Variants in OVOL2 observed in about 807,000 individuals in gnomAD.
OVOL2 encodes the protein transcription factor Ovo-like 2.
In OVOL2, 13 loss-of-function variants were observed where a neutral mutation model predicts 18.1. The observed-to-expected ratio is 0.72, with a 90% CI of 0.47 to 1.14. The LOEUF is 1.14. Among genes scored for constraint, OVOL2 ranks in the 50% most tolerant of loss-of-function variants. OVOL2 has a pLI of 0.00. For missense variants in OVOL2, 335 were observed against 383.0 expected (o/e 0.87, Z 1.05); for synonymous variants, 166 against 162.7 (o/e 1.02, Z -0.16).
intron 2 of OVOL2, chr20:18,050,669 T>C (rs939372454): frequency 6.6e-6 from 1 of 151,052 alleles, no homozygotes; most frequent in African/African-American, 2.4e-5. Flanking sequence ...CCAAGCATTT[T>C]TCCAGTATCC....
intron 2 of OVOL2, among the ~76,000 whole-genome samples, chr20:18,045,078 C>T (rs1167186047): frequency 6.6e-6 from 1 of 152,162 alleles, no homozygotes; most frequent in Non-Finnish European, 1.5e-5. Context: ...CCTGGATCCT[C>T]ATCAACTACC....
intron 3 of OVOL2, among the ~76,000 whole-genome samples, chr20:18,040,300 T>C (rs968869722): frequency 6.6e-6 from 1 of 151,780 alleles, no homozygotes; most frequent in African/African-American, 2.4e-5. Context: ...TAAGATGGGA[T>C]GGGATAGGAT....
intron 2 of OVOL2, among the ~76,000 whole-genome samples, chr20:18,048,940 A>T (rs1357176035): frequency 2.0e-5 from 3 of 152,158 alleles, no homozygotes; most frequent in Non-Finnish European, 2.9e-5. Flanking sequence ...TACCTTCTGG[A>T]AAAGCTTAAT....
Position 18,024,559 on chromosome 20 carries a change from G to A in OVOL2, c.*77C>T. 6.8e-7 allele frequency: 1 copy of A among 1,474,628 alleles called. No individual in the cohort carries two copies. Among genetic ancestry groups the A allele is most frequent in the Middle Eastern group, 2.3e-4 (1 of 4,394 alleles). 91.3% of individuals were successfully genotyped at this position (1,474,628 alleles called of 1,614,324 possible). The stretch of plus-strand genomic sequence containing the variant: ...ACTTCTAATTAAGAAGAGCCAGTGG[G>A]GTGGGGGAAGCTGAAAACCAAAAAT... On this transcript the variant is annotated 3_prime_UTR_variant, in exon 4 of 4. Transcript: ENST00000278780.
chr20:18,052,233 T>A (rs898210605), intron 2 of OVOL2, among the ~76,000 whole-genome samples: 1 of 152,100 alleles, frequency 6.6e-6, no homozygotes, highest in African/African-American at 2.4e-5. Flanking sequence ...AACAATTAAC[T>A]TGATGGAGGG....
chr20:18,056,693 C>A lies in OVOL2; in HGVS notation c.285G>T (p.Ala95=). ...ATCTGGCGACCGGGCGCTGCTTGGTCGCCAGGTGTCCATCGGGGCCCTCGG... is the reference window on the plus strand; with the variant it reads ...ATCTGGCGACCGGGCGCTGCTTGGTAGCCAGGTGTCCATCGGGGCCCTCGG... ...GDAEGPDGHL[A]TKQRPVARSK... The change falls in exon 2 of 4, where the codon GCG becomes GCT. Residue 95 remains alanine, a synonymous_variant. Coordinates refer to ENST00000278780, the MANE Select transcript of OVOL2 (RefSeq NM_021220.4). This position sits in a 1 kb window ranked among gnomAD's most constrained non-coding sequence, Gnocchi z 4.2. The A allele has an allele frequency of 1.4e-6, 2 of 1,447,074 alleles. No homozygotes were observed. The highest frequency in any genetic ancestry group is 3.0e-5 in the Admixed American group (1 of 33,076). The allele number at this position is 1,447,074 out of a possible 1,614,324, so 89.6% of individuals were successfully genotyped here.
intron 3 of OVOL2, among the ~76,000 whole-genome samples, chr20:18,025,388 T>C (rs1400453250): frequency 2.0e-5 from 3 of 151,900 alleles, no homozygotes; most frequent in African/African-American, 7.3e-5. Flanking sequence ...GCCAACATGG[T>C]GAAACCCCGT....
chr20:18,031,572 A>G (rs1441393170), intron 3 of OVOL2, among the ~76,000 whole-genome samples: 1 of 152,138 alleles, frequency 6.6e-6, no homozygotes, highest in Non-Finnish European at 1.5e-5. Context: ...GCGAGACTCT[A>G]TCTCAGAAAA....
At chr20:18,036,961 C>A (rs2036620278) in intron 3 of OVOL2, among the ~76,000 whole-genome samples, 1 of 151,802 alleles carries the variant, frequency 6.6e-6, no homozygotes, top group African/African-American at 2.4e-5. Context: ...AAGGTGAAAC[C>A]CCGTCTCTAC....
chr20:18,030,042 T>C (rs2036554111), intron 3 of OVOL2, among the ~76,000 whole-genome samples: 1 of 152,168 alleles, frequency 6.6e-6, no homozygotes, highest in African/African-American at 2.4e-5. Context: ...TAAGGCAATA[T>C]TTTAAAAATC....
rs2036669704 is a variant in OVOL2 at position 18,041,650 on chromosome 20, C to CCACA, written c.394_395insTGTG (p.Arg132LeufsTer52). On this transcript the variant is annotated frameshift_variant, in exon 3 of 4. Transcript: ENST00000278780. LOFTEE classifies it high-confidence loss of function. Reference sequence around the variant, plus strand: ...GCACTTGAGGTGACGGTTCAGCATGCGCTGCAGACGGAAGCCCTTGCCACA... The same window carrying CCACA: ...GCACTTGAGGTGACGGTTCAGCATGCCACAGCTGCAGACGGAAGCCCTTGCCACA... The CCACA allele has an allele frequency of 6.2e-7, 1 of 1,614,036 alleles. No individual in the cohort carries two copies. Among genetic ancestry groups the CCACA allele is most frequent in the African/African-American group, 1.3e-5 (1 of 75,006 alleles).
chr20:18,045,227 A>G (rs1285251987), intron 2 of OVOL2, among the ~76,000 whole-genome samples: 1 of 152,210 alleles, frequency 6.6e-6, no homozygotes, highest in East Asian at 1.9e-4. Flanking sequence ...AATATGCTCC[A>G]CTAAGTACTT....
chr20:18,042,905 G>A (rs1342413594), intron 2 of OVOL2, among the ~76,000 whole-genome samples: 1 of 151,850 alleles, frequency 6.6e-6, no homozygotes, highest in Non-Finnish European at 1.5e-5. Flanking sequence ...ACCAGAAGAA[G>A]ACACCAGCCC....
intron 2 of OVOL2, among the ~76,000 whole-genome samples, chr20:18,045,963 G>A (rs2036721278): frequency 6.6e-6 from 1 of 152,168 alleles, no homozygotes; most frequent in African/African-American, 2.4e-5. Flanking sequence ...GGAAAGCTGA[G>A]TCACCAAGAA....
intron 3 of OVOL2, among the ~76,000 whole-genome samples, chr20:18,036,927 G>A (rs969213653): frequency 1.3e-5 from 2 of 152,004 alleles, no homozygotes; most frequent in Non-Finnish European, 1.5e-5. Flanking sequence ...ACGAGGTCAG[G>A]AGATCGAGAC....
chr20:18,041,837 C>A, intron 2 of OVOL2, 114 bp from the exon 3 acceptor site: 2 of 944,298 alleles, frequency 2.1e-6, no homozygotes, highest in Non-Finnish European at 3.0e-6. Flanking sequence ...GGCTTCTGCC[C>A]CTAAAATTTT....
At chr20:18,026,605 T>C (rs2036520514) in intron 3 of OVOL2, among the ~76,000 whole-genome samples, 3 of 152,128 alleles carry the variant, frequency 2.0e-5, no homozygotes, top group African/African-American at 7.2e-5. Flanking sequence ...ATGGTCTCGA[T>C]CTCCTGACCT....
intron 3 of OVOL2, among the ~76,000 whole-genome samples, chr20:18,029,784 C>A (rs1318147123): frequency 2.0e-5 from 3 of 152,000 alleles, no homozygotes; most frequent in Non-Finnish European, 4.4e-5. Context: ...TCGAGACTAG[C>A]CTGGCGAACA....
chr20:18,039,723 C>T (rs947046445), intron 3 of OVOL2, among the ~76,000 whole-genome samples: 10 of 151,966 alleles, frequency 6.6e-5, no homozygotes, highest in African/African-American at 2.4e-4. Flanking sequence ...AAACTCTTTC[C>T]AGACCAGGGA....
Sources: allele counts gnomAD v4.1 joint callset (sites outside exome capture counted in the v4.1 genomes callset), GRCh38; gene constraint gnomAD v4.1.1; non-coding constraint Gnocchi (gnomAD v3.1); transcripts MANE v1.5; gene names NCBI Gene and HGNC (gene_info 2026-07-23, HGNC 2026-07-21).